The following SPATA13 variants were observed in gnomAD, a reference collection of about 807,000 sequenced individuals.
The protein encoded by SPATA13 is spermatogenesis associated 13, also known as spermatogenesis-associated protein 13.
Under a neutral mutation model 104.0 loss-of-function variants are expected in SPATA13, and 50 were observed. That is an observed-to-expected ratio of 0.48 (90% CI 0.38 to 0.61). SPATA13 has a LOEUF of 0.61. Among genes scored for constraint, SPATA13 ranks in the 20% least tolerant of loss-of-function variants. SPATA13 has a pLI of 0.00. For synonymous variants in SPATA13, 606 were observed against 667.5 expected (o/e 0.91, Z 1.42); for missense variants, 1,524 against 1,690.6 (o/e 0.90, Z 1.73).
At chr13:24,215,094 AAC>A (rs1593426398) in intron 1 of SPATA13, among the ~76,000 whole-genome samples, 1 of 152,244 alleles carries the variant, frequency 6.6e-6, no homozygotes, top group East Asian at 1.9e-4. Flanking sequence ...CTCCACCTCT[AAC>A]AAAGTCTCAC....
intron 3 of SPATA13, among the ~76,000 whole-genome samples, chr13:24,116,901 T>G (rs1427304859): frequency 2.0e-5 from 3 of 152,322 alleles, no homozygotes; most frequent in Admixed American, 2.0e-4. Flanking sequence ...AGAGACCTTG[T>G]GTCCTCTCTC....
intron 4 of SPATA13, among the ~76,000 whole-genome samples, chr13:24,279,339 C>A (rs1875314003): frequency 6.6e-6 from 1 of 152,170 alleles, no homozygotes; most frequent in South Asian, 2.1e-4. Flanking sequence ...CACAGTGTAT[C>A]TGGGGAGAGG....
chr13:24,141,957 C>T (rs559322779), intron 3 of SPATA13, among the ~76,000 whole-genome samples: 17 of 152,100 alleles, frequency 1.1e-4, no homozygotes, highest in African/African-American at 3.6e-4. Flanking sequence ...TGTTTACTCA[C>T]CTCAGTAGGG....
intron 3 of SPATA13, among the ~76,000 whole-genome samples, chr13:24,038,118 T>C (rs572716746): frequency 2.6e-5 from 4 of 152,150 alleles, no homozygotes; most frequent in Admixed American, 1.3e-4. Context: ...TTTCACCGTG[T>C]TAGCCAGGAT....
intron 3 of SPATA13, among the ~76,000 whole-genome samples, chr13:24,031,350 A>C (rs1593288669): frequency 6.6e-6 from 1 of 152,320 alleles, no homozygotes; most frequent in African/African-American, 2.4e-5. Context: ...TGACTCTAGC[A>C]CACCAATTCA....
chr13:24,143,847 G>A (rs11843284), intron 3 of SPATA13, among the ~76,000 whole-genome samples: 3,968 of 152,268 alleles, frequency 0.026, 164 homozygotes, highest in African/African-American at 0.09. Context: ...AGGAACATGT[G>A]ACACTTTCTC....
chr13:24,131,690 C>T (rs1881393363), intron 3 of SPATA13, among the ~76,000 whole-genome samples: 1 of 152,156 alleles, frequency 6.6e-6, no homozygotes, highest in Admixed American at 6.5e-5. Context: ...TAGATTATTG[C>T]TCTAACATCT....
intron 1 of SPATA13, among the ~76,000 whole-genome samples, chr13:24,166,792 A>G (rs758651660): frequency 5.9e-5 from 9 of 152,178 alleles, no homozygotes; most frequent in Non-Finnish European, 1.0e-4. Flanking sequence ...TCTGCCTCAT[A>G]GTATTTGCAG....
chr13:24,122,236 G>A, intron 3 of SPATA13: 1 of 1,344,228 alleles, frequency 7.4e-7, no homozygotes, highest in East Asian at 2.3e-5. Flanking sequence ...CAGAAAGATG[G>A]TGAGTCAGAG....
intron 3 of SPATA13, among the ~76,000 whole-genome samples, chr13:24,060,256 T>C (rs952232107): frequency 2.0e-5 from 3 of 152,134 alleles, no homozygotes; most frequent in Non-Finnish European, 2.9e-5. Context: ...TGGAACAGAA[T>C]AGAGAGCCCA....
chr13:24,198,090 GATTC>G (rs1464656847), intron 1 of SPATA13, among the ~76,000 whole-genome samples: 3 of 152,088 alleles, frequency 2.0e-5, no homozygotes, highest in African/African-American at 7.2e-5. Flanking sequence ...CCACCTCCCG[GATTC>G]AAGCGATTCT....
At position 24,215,149 on chromosome 13, in the gene SPATA13, G is replaced by C. The variant is rs531427606; in HGVS notation, c.-111-7670G>C. ...TGGGGTGTGTGCTCCAGGGACCCCT[G>C]TTCAGGAGGAGTAGCTGGTCACCTC... On this transcript the variant is annotated intron_variant, in intron 1 of 12. Transcript: ENST00000382108. Among the ~76,000 whole-genome samples the C allele has an allele frequency of 4.7e-4, 72 of 152,294 alleles. 1 individual carries two copies. Among genetic ancestry groups the C allele is most frequent in the African/African-American group, 1.6e-3 (65 of 41,550 alleles).
At chr13:24,036,521 G>A (rs961509181) in intron 3 of SPATA13, among the ~76,000 whole-genome samples, 1 of 152,142 alleles carries the variant, frequency 6.6e-6, no homozygotes, top group Non-Finnish European at 1.5e-5. Flanking sequence ...ACACCTGAAC[G>A]TTCTTTAGGT....
intron 4 of SPATA13, among the ~76,000 whole-genome samples, chr13:24,275,234 G>A (rs563692741): frequency 6.6e-6 from 1 of 152,304 alleles, no homozygotes; most frequent in Non-Finnish European, 1.5e-5. Flanking sequence ...AAGCAGAGAG[G>A]GGGAGGAAAA....
At position 24,031,257 on chromosome 13, in the gene SPATA13, A is replaced by G. The variant is rs577201510; in HGVS notation, c.-112+13556A>G. On this transcript the variant is annotated intron_variant, in intron 3 of 14. Transcript: ENST00000424834. ...GGACCTCAGTCTGTGGCAGTTTCTTAGGGCATTTAGCACAGACCAAGGTCT... is the reference window on the plus strand; with the variant it reads ...GGACCTCAGTCTGTGGCAGTTTCTTGGGGCATTTAGCACAGACCAAGGTCT... Among the ~76,000 whole-genome samples the G allele has an allele frequency of 9.6e-4, 146 of 152,304 alleles. 1 individual carries two copies. The highest frequency in any genetic ancestry group is 1.7e-3 in the Non-Finnish European group (116 of 68,018).
intron 3 of SPATA13, among the ~76,000 whole-genome samples, chr13:24,110,354 G>A (rs1466458516): frequency 1.3e-5 from 2 of 152,056 alleles, no homozygotes; most frequent in Non-Finnish European, 2.9e-5. Context: ...CAGGGAATAA[G>A]GGGAAAATGA....
At chr13:24,300,932 C>T (rs150552471) in intron 12 of SPATA13, among the ~76,000 whole-genome samples, 21 of 152,190 alleles carry the variant, frequency 1.4e-4, no homozygotes, top group East Asian at 9.7e-4. Context: ...TGTAAAGGTT[C>T]GGTACATCAG....
intron 4 of SPATA13, among the ~76,000 whole-genome samples, chr13:24,266,064 A>C (rs1192232420): frequency 6.6e-6 from 1 of 152,190 alleles, no homozygotes; most frequent in Non-Finnish European, 1.5e-5. Context: ...GAACCTACTC[A>C]GTCTCCAGAA....
chr13:23,990,713 G>A (rs778189200), intron 2 of SPATA13, among the ~76,000 whole-genome samples: 2 of 152,180 alleles, frequency 1.3e-5, no homozygotes, highest in Non-Finnish European at 2.9e-5. Flanking sequence ...AAATGCCCAG[G>A]GAGCAGGATC....
Sources: gnomAD v4.1 joint callset for allele counts (sites outside exome capture counted in the v4.1 genomes callset) on GRCh38, gnomAD v4.1.1 for gene constraint, MANE v1.5 for transcripts, NCBI Gene and HGNC (gene_info 2026-07-23, HGNC 2026-07-21) for gene names.